The following UST variants were observed in gnomAD, a reference collection of about 807,000 sequenced individuals.
UST encodes chondroitin sulfate 2-O-sulfotransferase.
In UST, 21 loss-of-function variants were observed where a neutral mutation model predicts 45.6. That is an observed-to-expected ratio of 0.46 (90% CI 0.33 to 0.66). UST has a LOEUF of 0.66. UST is among the 30% of genes least tolerant of loss of function. The probability of loss-of-function intolerance (pLI) is 0.02; values close to 1 mark genes in which losing one functional copy is unlikely to be tolerated. For synonymous variants in UST, 215 were observed against 200.6 expected, an observed-to-expected ratio of 1.07 and a Z score of -0.61; for missense variants, 463 against 512.4, an observed-to-expected ratio of 0.90 and a Z score of 0.93.
chr6:148,893,054 T>G (rs1352871400), intron 2 of UST, among the ~76,000 whole-genome samples: 5 of 152,182 alleles, frequency 3.3e-5, no homozygotes, highest in Non-Finnish European at 7.4e-5. Context: ...CTAGAACTGC[T>G]TCAAATTTAT....
At chr6:148,879,582 C>T (rs902614996) in intron 1 of UST, among the ~76,000 whole-genome samples, 7 of 152,098 alleles carry the variant, frequency 4.6e-5, no homozygotes, top group African/African-American at 7.2e-5. Flanking sequence ...TAAAAGCAGG[C>T]GAGTAGAATG....
intron 1 of UST, among the ~76,000 whole-genome samples, chr6:148,821,419 A>G (rs899438232): frequency 6.6e-6 from 1 of 152,168 alleles, no homozygotes. Context: ...CTGAGTTCTC[A>G]GTGCATCATG....
chr6:148,798,027 A>G (rs2114712595), intron 1 of UST, among the ~76,000 whole-genome samples: 1 of 152,260 alleles, frequency 6.6e-6, no homozygotes, highest in Non-Finnish European at 1.5e-5. Context: ...TCAGGTTTGA[A>G]TTTGAGAGTG....
chr6:149,002,525 G>T (rs1441757402), intron 5 of UST, among the ~76,000 whole-genome samples: 1 of 151,718 alleles, frequency 6.6e-6, no homozygotes. Context: ...TTTATTTTTT[G>T]AGATGGTGTC....
At chr6:148,871,139 T>TCTCTCTCTCTCTCTCTCTCC (rs1304234198) in intron 1 of UST, among the ~76,000 whole-genome samples, 12 of 149,566 alleles carry the variant, frequency 8.0e-5, no homozygotes, top group South Asian at 2.1e-4. Flanking sequence ...TCTCTCTCTC[T>TCTCTCTCTCTCTCTCTCTCC]CTCTCTCCCT....
chr6:148,826,882 T>C (rs1187495631), intron 1 of UST, among the ~76,000 whole-genome samples: 1 of 152,192 alleles, frequency 6.6e-6, no homozygotes, highest in Non-Finnish European at 1.5e-5. Flanking sequence ...TGTTGCATCT[T>C]ACTGACCCTG....
intron 1 of UST, among the ~76,000 whole-genome samples, chr6:148,841,443 C>T (rs1215457146): frequency 6.6e-6 from 1 of 152,086 alleles, no homozygotes; most frequent in Non-Finnish European, 1.5e-5. Flanking sequence ...ACAGAAAATC[C>T]CCTAAGTTGA....
intron 2 of UST, among the ~76,000 whole-genome samples, chr6:148,929,282 A>G (rs1779878395): frequency 6.6e-6 from 1 of 152,158 alleles, no homozygotes; most frequent in Non-Finnish European, 1.5e-5. Flanking sequence ...GTGAGTCCTG[A>G]TTAATCTAAG....
intron 1 of UST, among the ~76,000 whole-genome samples, chr6:148,796,378 G>C (rs903085777): frequency 1.3e-5 from 2 of 152,130 alleles, no homozygotes; most frequent in African/African-American, 4.8e-5. Flanking sequence ...GGGAATCCCA[G>C]CATTTGGGAG....
chr6:149,076,255 G>A lies in UST; in HGVS notation c.*2139G>A, dbSNP rs1275226028. On this transcript the variant is annotated 3_prime_UTR_variant, in exon 8 of 8. Transcript: ENST00000367463. ...AAAACCAGTACAAGAACTGCTGCCT[G>A]GTACCCTGTGAGTCATTTCTATGAA... 1 of 152,184 alleles carries A rather than the reference G, an allele frequency of 6.6e-6. No homozygotes were observed. The highest frequency in any genetic ancestry group is 1.5e-5 in the Non-Finnish European group (1 of 68,036). 9.4% of individuals were successfully genotyped at this position (152,184 alleles called of 1,614,324 possible).
chr6:148,969,996 G>A (rs182147323), intron 5 of UST, among the ~76,000 whole-genome samples: 8 of 152,320 alleles, frequency 5.3e-5, no homozygotes, highest in Non-Finnish European at 8.8e-5. Flanking sequence ...AGAAAGGCAC[G>A]CCAGAGCCGA....
chr6:148,807,462 G>A (rs908784127), intron 1 of UST, among the ~76,000 whole-genome samples: 1 of 152,106 alleles, frequency 6.6e-6, no homozygotes, highest in East Asian at 1.9e-4. Context: ...TGTTTCTTTC[G>A]AGGGATAATA....
intron 1 of UST, among the ~76,000 whole-genome samples, chr6:148,768,849 A>G (rs1404415680): frequency 1.3e-5 from 2 of 152,220 alleles, no homozygotes; most frequent in Non-Finnish European, 2.9e-5. Context: ...TCGCGATACT[A>G]GAACCTGTGC....
chr6:148,833,765 A>T (rs1562271770), intron 1 of UST, among the ~76,000 whole-genome samples: 2 of 152,230 alleles, frequency 1.3e-5, no homozygotes, highest in South Asian at 4.1e-4. Context: ...CAGAGTGATT[A>T]AAATTCAACA....
At chr6:148,799,175 A>G (rs1777007356) in intron 1 of UST, among the ~76,000 whole-genome samples, 1 of 152,124 alleles carries the variant, frequency 6.6e-6, no homozygotes, top group Admixed American at 6.5e-5. Context: ...CGGCCAGGAG[A>G]TAGGATTTAA....
intron 7 of UST, among the ~76,000 whole-genome samples, chr6:149,026,899 A>G (rs1250959932): frequency 1.3e-5 from 2 of 152,330 alleles, no homozygotes; most frequent in Middle Eastern, 3.4e-3. Context: ...GGGCTGCCTT[A>G]AGAATATGGT....
chr6:148,762,740 G>A (rs986743863), intron 1 of UST, among the ~76,000 whole-genome samples: 2 of 151,518 alleles, frequency 1.3e-5, no homozygotes, highest in African/African-American at 2.4e-5. Flanking sequence ...CCCTCTGTAT[G>A]TCCATGTGTA....
At chr6:148,818,771 A>G (rs1777401651) in intron 1 of UST, among the ~76,000 whole-genome samples, 1 of 152,224 alleles carries the variant, frequency 6.6e-6, no homozygotes, top group Admixed American at 6.5e-5. Flanking sequence ...AATTAACATC[A>G]TTTGAGTCCA....
intron 7 of UST, among the ~76,000 whole-genome samples, chr6:149,043,038 T>TTTCC (rs1183323765): frequency 1.8e-3 from 253 of 140,498 alleles, no homozygotes; most frequent in Non-Finnish European, 2.6e-3. Context: ...TCTTTCTTTC[T>TTTCC]TTCTTTCCTT....
Sources: gnomAD v4.1 joint callset for allele counts (sites outside exome capture counted in the v4.1 genomes callset) on GRCh38, gnomAD v4.1.1 for gene constraint, MANE v1.5 for transcripts, NCBI Gene and HGNC (gene_info 2026-07-23, HGNC 2026-07-21) for gene names.